POLD1: variants seen among roughly 807,000 people sequenced by gnomAD.
The protein encoded by POLD1 is DNA polymerase delta 1, catalytic subunit, also known as DNA polymerase delta catalytic subunit.
Under a neutral mutation model 129.7 loss-of-function variants are expected in POLD1, and 79 were observed. The observed-to-expected ratio is 0.61, with a 90% CI of 0.51 to 0.73. The LOEUF is 0.73. Ranked by LOEUF, POLD1 falls within the 30% of genes least tolerant of loss-of-function variation. The pLI, the probability that POLD1 is intolerant of heterozygous loss-of-function variation, is 0.00. For synonymous variants in POLD1, 714 were observed against 683.3 expected, an observed-to-expected ratio of 1.04 and a Z score of -0.70; for missense variants, 1,338 against 1,595.8, an observed-to-expected ratio of 0.84 and a Z score of 2.75.
chr19:50,386,304 A>C (rs2037970387), intron 1 of POLD1, among the ~76,000 whole-genome samples: 1 of 151,858 alleles, frequency 6.6e-6, no homozygotes, highest in Non-Finnish European at 1.5e-5. Context: ...CGCCCAGCTA[A>C]TTTTTGTATT....
At chr19:50,386,845 C>G (rs1007005616) in intron 1 of POLD1, among the ~76,000 whole-genome samples, 4 of 152,122 alleles carry the variant, frequency 2.6e-5, no homozygotes, top group Non-Finnish European at 2.9e-5. Context: ...AGGACAAGGC[C>G]GAAAGCATGC....
In POLD1 at chr19:50,415,421, G is replaced by T. The variant is rs200576676; in HGVS notation, c.2565-17G>T. 2 of 1,604,110 alleles carry T rather than the reference G, an allele frequency of 1.2e-6. No homozygotes were observed. Among genetic ancestry groups the T allele is most frequent in the Non-Finnish European group, 1.7e-6 (2 of 1,173,588 alleles). On this transcript the variant is annotated splice_polypyrimidine_tract_variant and intron_variant, in intron 20 of 26. Coordinates refer to ENST00000440232, the MANE Select transcript of POLD1 (RefSeq NM_002691.4). ...TCAGTGCCTTTTGGTGACGCTGTGC[G>T]GCCCGCTCTCCTACAGAGACCCTGA...
intron 2 of POLD1, 108 bp from the exon 3 acceptor site, chr19:50,399,263 C>G: frequency 1.7e-6 from 2 of 1,159,770 alleles, no homozygotes; most frequent in Non-Finnish European, 2.5e-6. Context: ...AAGTTTCCTG[C>G]CTGACCCAGA....
intron 26 of POLD1, 102 bp from the exon 27 acceptor site, chr19:50,417,740 C>T: frequency 2.3e-6 from 1 of 438,114 alleles, no homozygotes; most frequent in Non-Finnish European, 4.4e-6. Flanking sequence ...GTGGGCTGGG[C>T]AGCAGGCGGG....
Position 50,415,821 on chromosome 19 carries a change from T to C in POLD1, c.2815T>C (p.Ser939Pro), listed in dbSNP as rs2039266476. The C allele has an allele frequency of 1.3e-6, 2 of 1,519,720 alleles. No homozygotes were observed. Among genetic ancestry groups the C allele is most frequent in the Non-Finnish European group, 1.8e-6 (2 of 1,132,076 alleles). The allele number at this position is 1,519,720 out of a possible 1,614,324, so 94.1% of individuals were successfully genotyped here. A position where few individuals can be genotyped will look rare whatever the true frequency, so the allele number is the denominator to read the frequency against. The part of the protein sequence containing the change: ...AAKGVAAYMK[S>P]EDPLFVLEHS... Reference sequence around the variant, plus strand: ...CAAGGGTGTGGCCGCCTACATGAAGTCGGAGGTCAGGCCCACCTGGCTGCC... The same window carrying C: ...CAAGGGTGTGGCCGCCTACATGAAGCCGGAGGTCAGGCCCACCTGGCTGCC... Residue 939 changes from serine to proline, a missense_variant, in exon 22 of 27, where the codon TCG becomes CCG. This residue lies in a region of POLD1 where 286 missense variants were observed against 277.5 expected (regional missense o/e 1.03). Coordinates refer to ENST00000440232, the MANE Select transcript of POLD1 (RefSeq NM_002691.4).
rs922475638 is a variant in POLD1 at position 50,403,680 on chromosome 19, C to G, written c.1242+83C>G. On this transcript the variant is annotated intron_variant, in intron 10 of 26. Coordinates refer to ENST00000440232, the MANE Select transcript of POLD1 (RefSeq NM_002691.4). ...CCTGGGCCTCCTTCCCACTCCCTCTCCACATGGCTTGGTGCATCTTGCTCT... is the reference window on the plus strand; with the variant it reads ...CCTGGGCCTCCTTCCCACTCCCTCTGCACATGGCTTGGTGCATCTTGCTCT... 13 of 881,956 alleles carry G rather than the reference C, an allele frequency of 1.5e-5. No homozygotes were observed. In the African/African-American group the frequency reaches 2.0e-4, roughly 13 times the overall value. The allele number at this position is 881,956 out of a possible 1,614,324, so 54.6% of individuals were successfully genotyped here.
At position 50,417,079 on chromosome 19, in the gene POLD1, T is replaced by C. The variant is rs1224283077; in HGVS notation, c.3102T>C (p.Ser1034=). 6.4e-7 allele frequency: 1 copy of C among 1,555,648 alleles called. No homozygotes were observed. Among genetic ancestry groups the C allele is most frequent in the South Asian group, 1.2e-5 (1 of 84,592 alleles). Residue 1034 remains serine, a synonymous_variant, in exon 25 of 27, where the codon TCT becomes TCC. Transcript: ENST00000440232. Reference sequence around the variant, plus strand: ...GTGAGTTCTGCCAGCCCCGGGAGTCTGAGCTGTATCAGAAGGAGGTGAGAG... The same window carrying C: ...GTGAGTTCTGCCAGCCCCGGGAGTCCGAGCTGTATCAGAAGGAGGTGAGAG... ...AVCEFCQPRE[S]ELYQKEVSHL... is the part of the protein sequence containing the mutation.
rs2122390815 is a variant in POLD1, at chr19:50,409,683, C to G, written c.2154+17C>G. 6.3e-7 allele frequency: 1 copy of G among 1,586,028 alleles called. No homozygotes were observed. Among genetic ancestry groups the G allele is most frequent in the Non-Finnish European group, 8.6e-7 (1 of 1,163,160 alleles). On this transcript the variant is annotated intron_variant, in intron 17 of 26. Coordinates refer to ENST00000440232, the MANE Select transcript of POLD1 (RefSeq NM_002691.4). This position sits in a 1 kb window ranked among gnomAD's most constrained non-coding sequence, Gnocchi z 5.8. Reference sequence around the variant, plus strand: ...ATCTCACAGGTGGGCACTCGGGCCCCTGGAAGGCAACTGGGGGCAGGTGGG... The same window carrying G: ...ATCTCACAGGTGGGCACTCGGGCCCGTGGAAGGCAACTGGGGGCAGGTGGG...
rs778972543 is a variant in POLD1 at position 50,414,890 on chromosome 19, G to A, written c.2464G>A (p.Asp822Asn). Residue 822 changes from aspartate (D) to asparagine (N), a missense_variant, in exon 20 of 27, where the codon GAC becomes AAC. By Grantham distance (23) the Asp-to-Asn change is conservative. Around this residue, in one of 3 missense-constraint regions of POLD1, gnomAD observed 720 missense variants for 1,002.6 expected, o/e 0.72. Transcript: ENST00000440232. ...LLFSSRPDAH[D>N]RMDCKGLEAV... ...CTTCTCCTCCCGGCCCGACGCCCAC[G>A]ACCGCATGGACTGCAAGGGCCTGGA... is the stretch of plus-strand genomic sequence containing the variant. The A allele has an allele frequency of 4.4e-6, 7 of 1,608,798 alleles. No individual in the cohort carries two copies. The highest frequency in any genetic ancestry group is 3.4e-5 in the Admixed American group (2 of 59,650).
chr19:50,409,064 C>A lies in POLD1; in HGVS notation c.1893-58C>A. ...CATGGCCAAGGCCAGGACCGTAGGG[C>A]AGAGGTGGGCTGGAGCAGGAGGGTG... On this transcript the variant is annotated intron_variant, in intron 15 of 26. Transcript: ENST00000440232. The surrounding 1 kb of genome is among the most constrained non-coding windows in gnomAD (Gnocchi z 5.8). 7.2e-7 allele frequency: 1 copy of A among 1,393,526 alleles called. No individual in the cohort carries two copies. The highest frequency in any genetic ancestry group is 1.0e-6 in the Non-Finnish European group (1 of 983,002). 86.3% of individuals were successfully genotyped at this position (1,393,526 alleles called of 1,614,324 possible). A position where few individuals can be genotyped will look rare whatever the true frequency, so the allele number is the denominator to read the frequency against.
chr19:50,405,772 C>T (rs1422946165), intron 10 of POLD1, among the ~76,000 whole-genome samples: 2 of 152,166 alleles, frequency 1.3e-5, no homozygotes, highest in African/African-American at 2.4e-5. Flanking sequence ...CCCTGCAAGG[C>T]CTCCTGCAGC....
chr19:50,408,915 T>A lies in POLD1; in HGVS notation c.1892+14T>A, dbSNP rs752346193. ...ACAGAAACTGGGGTATAGTGCCCAA[T>A]TCAGCATGTGTCCCCCGAGGCCCAT... On this transcript the variant is annotated intron_variant, in intron 15 of 26. Coordinates refer to ENST00000440232, the MANE Select transcript of POLD1 (RefSeq NM_002691.4). 10 of 1,602,070 alleles carry A rather than the reference T, an allele frequency of 6.2e-6. No individual in the cohort carries two copies. In the African/African-American group the frequency reaches 1.2e-4, roughly 19 times the overall value.
intron 14 of POLD1, among the ~76,000 whole-genome samples, chr19:50,408,338 AAAAAT>A (rs975301798): frequency 3.9e-5 from 6 of 152,200 alleles, no homozygotes; most frequent in South Asian, 4.1e-4. Context: ...CCGTCTCAAA[AAAAAT>A]AAAATAAAAT....
chr19:50,406,041 C>G lies in POLD1; in HGVS notation c.1243-141C>G. On this transcript the variant is annotated intron_variant, in intron 10 of 26. Transcript: ENST00000440232. The surrounding 1 kb of genome is among the most constrained non-coding windows in gnomAD (Gnocchi z 5.5). ...GTCTCCAGCCACCCACACCCAGCCC[C>G]AGACCGTCTTTCTGCCCCCAGGGTT... is the stretch of plus-strand genomic sequence containing the variant. 1 of 960,170 alleles carries G rather than the reference C, an allele frequency of 1.0e-6. No individual in the cohort carries two copies. The highest frequency in any genetic ancestry group is 1.6e-6 in the Non-Finnish European group (1 of 632,016). The allele number at this position is 960,170 out of a possible 1,614,324, so 59.5% of individuals were successfully genotyped here.
Position 50,401,866 on chromosome 19 carries a change from CTCTG to C in POLD1, c.410_413del (p.Val137AlafsTer31), listed in dbSNP as rs2038649098. 6.2e-7 allele frequency: 1 copy of C among 1,614,044 alleles called. No homozygotes were observed. Among genetic ancestry groups the C allele is most frequent in the Non-Finnish European group, 8.5e-7 (1 of 1,179,964 alleles). ...CCTTCGGGGTCACCGATGAGGGGTT[CTCTG>C]TCTGCTGCCACATCCACGGCTTCGC... On this transcript the variant is annotated frameshift_variant, in exon 4 of 27. Coordinates refer to ENST00000440232, the MANE Select transcript of POLD1 (RefSeq NM_002691.4). LOFTEE classifies it high-confidence loss of function.
chr19:50,393,273 A>G (rs1302825903), intron 1 of POLD1, among the ~76,000 whole-genome samples: 1 of 152,188 alleles, frequency 6.6e-6, no homozygotes, highest in Non-Finnish European at 1.5e-5. Context: ...CCCTAGGAGC[A>G]GCCACTAGTC....
intron 1 of POLD1, among the ~76,000 whole-genome samples, chr19:50,398,334 G>A (rs977069873): frequency 4.6e-5 from 7 of 152,208 alleles, no homozygotes; most frequent in Admixed American, 4.6e-4. Context: ...CACTTTGGGA[G>A]GCTGAGGCGA....
intron 2 of POLD1, 141 bp downstream of exon 2, chr19:50,399,194 G>A (rs745509276): frequency 1.0e-5 from 14 of 1,333,852 alleles, no homozygotes; most frequent in Non-Finnish European, 1.5e-5. Flanking sequence ...CTTCCACCCC[G>A]TGCAGCCTGT....
intron 15 of POLD1, 71 bp downstream of exon 15, chr19:50,408,972 G>T (rs908241866): frequency 1.4e-6 from 2 of 1,471,210 alleles, no homozygotes; most frequent in Admixed American, 1.8e-5. Flanking sequence ...TCAGTCTGGT[G>T]GGGGGCATAG....
Sources: allele counts gnomAD v4.1 joint callset (sites outside exome capture counted in the v4.1 genomes callset), GRCh38; gene constraint gnomAD v4.1.1; regional missense constraint gnomAD v4.1.1; non-coding constraint Gnocchi (gnomAD v3.1); transcripts MANE v1.5; gene names NCBI Gene and HGNC (gene_info 2026-07-23, HGNC 2026-07-21).